POLR1B: variants seen among roughly 807,000 people sequenced by gnomAD.
POLR1B encodes DNA-directed RNA polymerase I subunit RPA2.
Under a neutral mutation model 105.8 loss-of-function variants are expected in POLR1B, and 30 were observed. The observed-to-expected ratio is 0.28, with a 90% CI of 0.21 to 0.38. The LOEUF (loss-of-function observed/expected upper bound fraction) is 0.38. POLR1B is among the 10% of genes least tolerant of loss of function. The probability of loss-of-function intolerance (pLI) is 1.00; values close to 1 mark genes in which losing one functional copy is unlikely to be tolerated. For synonymous variants in POLR1B, 485 were observed against 505.1 expected, an observed-to-expected ratio of 0.96 and a Z score of 0.53; for missense variants, 976 against 1,435.8, an observed-to-expected ratio of 0.68 and a Z score of 5.17.
Position 112,578,747 on chromosome 2 carries a change from A to G in POLR1B, c.*3018A>G, listed in dbSNP as rs781271754. On this transcript the variant is annotated 3_prime_UTR_variant, in exon 15 of 15. Transcript: ENST00000263331. ...ACTATCCATATGTGCTATATGTACT[A>G]TATGTCCTCTATATATTTTTTCTAT... Among the ~76,000 whole-genome samples the G allele has an allele frequency of 1.7e-4, 26 of 152,290 alleles. No homozygotes were observed. The highest frequency in any genetic ancestry group is 3.1e-4 in the Non-Finnish European group (21 of 68,032).
intron 1 of POLR1B, among the ~76,000 whole-genome samples, chr2:112,544,354 C>T (rs2104501291): frequency 6.6e-6 from 1 of 152,228 alleles, no homozygotes; most frequent in Middle Eastern, 3.4e-3. Context: ...ATCGCTTGAA[C>T]CTGGGAGGCG....
In POLR1B at chr2:112,547,017, A is replaced by G; in HGVS notation, c.183A>G (p.Ile61Met). The change falls in exon 2 of 15, where the codon ATA becomes ATG. Residue 61 changes from isoleucine (I) to methionine (M), a missense_variant. Around this residue, in one of 12 missense-constraint regions of POLR1B, gnomAD observed 452 missense variants for 616.5 expected, o/e 0.73. Coordinates refer to ENST00000263331, the MANE Select transcript of POLR1B (RefSeq NM_019014.6). ...TAGTGTGAATTGCATTTCAGGCTAT[A>G]CCTCCCTTTGAATTTGCTTTCAAAG... ...HEGLGLAVQAIPPFEFAFKDE... is the reference protein window; with the variant it reads ...HEGLGLAVQAMPPFEFAFKDE... 1.2e-6 allele frequency: 2 copies of G among 1,614,126 alleles called. No individual in the cohort carries two copies. The highest frequency in any genetic ancestry group is 1.7e-6 in the Non-Finnish European group (2 of 1,180,014).
At chr2:112,551,385 G>C (rs1293495617) in intron 5 of POLR1B, among the ~76,000 whole-genome samples, 1 of 152,222 alleles carries the variant, frequency 6.6e-6, no homozygotes, top group Admixed American at 6.5e-5. Context: ...TAGGCTGCTT[G>C]AGGCAACTGT....
Position 112,573,154 on chromosome 2 carries a change from G to A in POLR1B, c.2271+396G>A, listed in dbSNP as rs940080142. Among the ~76,000 whole-genome samples, 3 of 152,196 alleles carry A rather than the reference G, an allele frequency of 2.0e-5. No individual in the cohort carries two copies. The East Asian group carries it at 5.8e-4, about 29-fold the overall frequency. ...GTCTCGCTCTGTTGCCCAGGCTGGAGTGCAGTGGCACGATCTTGGCTCACT... is the reference window on the plus strand; with the variant it reads ...GTCTCGCTCTGTTGCCCAGGCTGGAATGCAGTGGCACGATCTTGGCTCACT... On this transcript the variant is annotated intron_variant, in intron 13 of 14. Coordinates refer to ENST00000263331, the MANE Select transcript of POLR1B (RefSeq NM_019014.6).
chr2:112,564,584 G>A (rs1034336881), intron 10 of POLR1B, 85 bp downstream of exon 10: 34 of 1,551,332 alleles, frequency 2.2e-5, no homozygotes, highest in Non-Finnish European at 2.6e-5. Flanking sequence ...ACCCCTGGGC[G>A]GTCTAGAGTG....
In POLR1B at chr2:112,577,237, C is replaced by G. The variant is rs191911851; in HGVS notation, c.*1508C>G. 368 of 152,342 alleles carry G rather than the reference C, an allele frequency of 2.4e-3. No individual in the cohort carries two copies. The highest frequency in any genetic ancestry group is 8.3e-3 in the African/African-American group (346 of 41,576). The allele number at this position is 152,342 out of a possible 1,614,324, so 9.4% of individuals were successfully genotyped here. A position where few individuals can be genotyped will look rare whatever the true frequency, so the allele number is the denominator to read the frequency against. On this transcript the variant is annotated 3_prime_UTR_variant, in exon 15 of 15. Coordinates refer to ENST00000263331, the MANE Select transcript of POLR1B (RefSeq NM_019014.6). ...GGCAGATAGGAACAGACAGAAAAAT[C>G]TATCATTTCAAGATAGGCTTAGCAG...
chr2:112,550,921 C>T lies in POLR1B; in HGVS notation c.681C>T (p.His227=), dbSNP rs772359789. ...EEHSAVNMNL[H]YLENGTVMLN... Reference sequence around the variant, plus strand: ...ATTCCGCTGTCAATATGAACCTCCACTACTTGGAAAATGGCACTGTTATGT... The same window carrying T: ...ATTCCGCTGTCAATATGAACCTCCATTACTTGGAAAATGGCACTGTTATGT... Residue 227 remains histidine (H), a synonymous_variant, in exon 5 of 15, where the codon CAC becomes CAT. Transcript: ENST00000263331. 12 of 1,613,768 alleles carry T rather than the reference C, an allele frequency of 7.4e-6. No homozygotes were observed. Among genetic ancestry groups the T allele is most frequent in the South Asian group, 5.5e-5 (5 of 91,068 alleles).
intron 7 of POLR1B, among the ~76,000 whole-genome samples, chr2:112,557,418 A>G (rs1056640684): frequency 2.0e-5 from 3 of 152,206 alleles, no homozygotes; most frequent in African/African-American, 7.2e-5. Flanking sequence ...TATAACAAGT[A>G]TAATGGGTGA....
At chr2:112,551,097 C>A in intron 5 of POLR1B, 95 bp downstream of exon 5, 1 of 1,253,082 alleles carries the variant, frequency 8.0e-7, no homozygotes, top group African/African-American at 1.5e-5. Flanking sequence ...TAAAATAATA[C>A]TGTACTAGTT....
Position 112,572,552 on chromosome 2 carries a change from C to T in POLR1B, c.2075-10C>T, listed in dbSNP as rs753588177. 9 of 1,535,618 alleles carry T rather than the reference C, an allele frequency of 5.9e-6. No individual in the cohort carries two copies. Among genetic ancestry groups the T allele is most frequent in the East Asian group, 2.3e-5 (1 of 42,842 alleles). The stretch of plus-strand genomic sequence containing the variant: ...AGCAGAAAATGCTAAGATGTTTTTT[C>T]TCCATGTAGGTAAGCAAACTATGGG... On this transcript the variant is annotated splice_polypyrimidine_tract_variant and intron_variant, in intron 12 of 14. Transcript: ENST00000263331.
chr2:112,563,350 T>C (rs1029581285), intron 9 of POLR1B, among the ~76,000 whole-genome samples: 1 of 152,092 alleles, frequency 6.6e-6, no homozygotes, highest in Non-Finnish European at 1.5e-5. Flanking sequence ...CCACCACGCC[T>C]GGCCTGTGAC....
At chr2:112,569,052 C>A in intron 12 of POLR1B, 150 bp downstream of exon 12, 1 of 753,982 alleles carries the variant, frequency 1.3e-6, no homozygotes, top group Non-Finnish European at 2.1e-6. Context: ...CCACAAGCAA[C>A]CAGCCCAGGA....
intron 3 of POLR1B, among the ~76,000 whole-genome samples, chr2:112,547,804 T>C (rs1295431226): frequency 1.3e-5 from 2 of 152,134 alleles, no homozygotes; most frequent in Non-Finnish European, 2.9e-5. Context: ...GGTAGGTTTT[T>C]CCCTAATTTT....
Position 112,578,114 on chromosome 2 carries a change from A to T in POLR1B, c.*2385A>T, listed in dbSNP as rs1419978759. 6.6e-6 allele frequency among the ~76,000 whole-genome samples: 1 copy of T among 152,210 alleles called. No homozygotes were observed. The highest frequency in any genetic ancestry group is 1.5e-5 in the Non-Finnish European group (1 of 68,030). ...AAAAAAAATGTTTTTTAGCTTTTTA[A>T]CTGTAGATTCACCACTAAGAAATTG... On this transcript the variant is annotated 3_prime_UTR_variant, in exon 15 of 15. Coordinates refer to ENST00000263331, the MANE Select transcript of POLR1B (RefSeq NM_019014.6).
chr2:112,563,693 T>A (rs1461956467), intron 9 of POLR1B, among the ~76,000 whole-genome samples: 1 of 151,846 alleles, frequency 6.6e-6, no homozygotes, highest in Non-Finnish European at 1.5e-5. Flanking sequence ...AGCCCAGGAG[T>A]TCGAGACCAG....
intron 4 of POLR1B, among the ~76,000 whole-genome samples, chr2:112,550,515 A>C (rs1266865994): frequency 6.6e-6 from 1 of 152,116 alleles, no homozygotes; most frequent in Non-Finnish European, 1.5e-5. Context: ...CTAAAATTCT[A>C]CTTTTCTCCA....
In POLR1B at chr2:112,558,844, C is replaced by T. The variant is rs1043335942; in HGVS notation, c.1331-449C>T. 2.0e-4 allele frequency among the ~76,000 whole-genome samples: 30 copies of T among 151,090 alleles called. 1 individual carries two copies. Among genetic ancestry groups the T allele is most frequent in the Admixed American group, 1.9e-3 (29 of 15,162 alleles). On this transcript the variant is annotated intron_variant, in intron 8 of 14. Coordinates refer to ENST00000263331, the MANE Select transcript of POLR1B (RefSeq NM_019014.6). ...ATGCTGCTGAGGCTGGTCTGGAACT[C>T]TTGAGCTCTGGTGAACCACCCACCT...
intron 11 of POLR1B, 56 bp downstream of exon 11, chr2:112,568,193 T>A (rs778912369): frequency 7.5e-6 from 11 of 1,476,150 alleles, no homozygotes; most frequent in Non-Finnish European, 1.0e-5. Context: ...AGTATACAAC[T>A]TTCAGAGACT....
rs1025052785 is a variant in POLR1B, at chr2:112,575,870, T to C, written c.*141T>C. 1 of 815,542 alleles carries C rather than the reference T, an allele frequency of 1.2e-6. No homozygotes were observed. The highest frequency in any genetic ancestry group is 1.9e-6 in the Non-Finnish European group (1 of 528,738). 50.5% of individuals were successfully genotyped at this position (815,542 alleles called of 1,614,324 possible). A position where few individuals can be genotyped will look rare whatever the true frequency, so the allele number is the denominator to read the frequency against. On this transcript the variant is annotated 3_prime_UTR_variant, in exon 15 of 15. Coordinates refer to ENST00000263331, the MANE Select transcript of POLR1B (RefSeq NM_019014.6). This position sits in a 1 kb window ranked among gnomAD's most constrained non-coding sequence, Gnocchi z 5.3. ...TCTCAACCAAGACCTGAAAACCAAG[T>C]ATGCAAGGTTTCTGAATCTCTCTGG...
Sources: gnomAD v4.1 joint callset for allele counts (sites outside exome capture counted in the v4.1 genomes callset) on GRCh38, gnomAD v4.1.1 for gene constraint, gnomAD v4.1.1 regional missense constraint, Gnocchi (gnomAD v3.1) non-coding constraint, MANE v1.5 for transcripts, NCBI Gene and HGNC (gene_info 2026-07-23, HGNC 2026-07-21) for gene names.